PCNT: variants seen among roughly 807,000 people sequenced by gnomAD.
The protein encoded by PCNT is pericentrin.
PCNT carries 319 observed loss-of-function variants against 380.4 expected under a neutral mutation model. The ratio of observed to expected loss-of-function variants is 0.84; its 90% CI spans 0.77 to 0.92. The LOEUF is 0.92. Ranked by LOEUF, PCNT falls within the 40% of genes least tolerant of loss-of-function variation. PCNT has a pLI of 0.00. For missense variants in PCNT, 4,400 were observed against 4,255.3 expected (o/e 1.03, Z -0.95); for synonymous variants, 1,845 against 1,735.2 (o/e 1.06, Z -1.57).
chr21:46,361,382 C>T (rs563019944), intron 13 of PCNT, among the ~76,000 whole-genome samples: 6 of 152,318 alleles, frequency 3.9e-5, no homozygotes, highest in Non-Finnish European at 8.8e-5. Context: ...CAGAGCGAGA[C>T]TCCGTCTCAA....
Position 46,427,643 on chromosome 21 carries a change from G to T in PCNT, c.7342G>T (p.Asp2448Tyr). 4 of 1,613,956 alleles carry T rather than the reference G, an allele frequency of 2.5e-6. No individual in the cohort carries two copies. Among genetic ancestry groups the T allele is most frequent in the Non-Finnish European group, 3.4e-6 (4 of 1,180,024 alleles). Residue 2448 changes from aspartate to tyrosine, a missense_variant, in exon 34 of 47, where the codon GAT becomes TAT. By Grantham distance (160) the Asp-to-Tyr change is radical (BLOSUM62 -3). Coordinates refer to ENST00000359568, the MANE Select transcript of PCNT (RefSeq NM_006031.6). ...TTAGGAAGTGCCCACCGCGTGCCCC[G>T]ATTGGAGAGGGGACCTTCTGCAGGT... ...KTQEVPTACPDWRGDLLQVVQ... is the reference protein window; with the variant it reads ...KTQEVPTACPYWRGDLLQVVQ...
intron 15 of PCNT, among the ~76,000 whole-genome samples, chr21:46,376,770 TG>T (rs1275871146): frequency 6.6e-6 from 1 of 152,178 alleles, no homozygotes; most frequent in Non-Finnish European, 1.5e-5. Flanking sequence ...TGCTGATGGT[TG>T]GGGTATCAGC....
At chr21:46,368,183 C>T (rs113663543) in intron 15 of PCNT, among the ~76,000 whole-genome samples, 36 of 151,966 alleles carry the variant, frequency 2.4e-4, no homozygotes, top group African/African-American at 8.7e-4. Flanking sequence ...AAATAGCTCA[C>T]ACCTGTAATC....
At chr21:46,410,331 A>G (rs1476872562) in intron 27 of PCNT, among the ~76,000 whole-genome samples, 1 of 152,174 alleles carries the variant, frequency 6.6e-6, no homozygotes, top group Non-Finnish European at 1.5e-5. Context: ...TTGAGTCCAG[A>G]GTAATTGTGA....
At chr21:46,410,705 C>T (rs921605769) in intron 27 of PCNT, among the ~76,000 whole-genome samples, 2 of 152,180 alleles carry the variant, frequency 1.3e-5, no homozygotes, top group Admixed American at 6.5e-5. Flanking sequence ...GTGGCAGAGA[C>T]GCCTCATCAC....
intron 27 of PCNT, 64 bp downstream of exon 27, chr21:46,402,547 A>G (rs2086463419): frequency 3.9e-6 from 6 of 1,554,340 alleles, no homozygotes; most frequent in Non-Finnish European, 4.4e-6. Flanking sequence ...CCGAGCGGCC[A>G]CCAAGACCCT....
intron 24 of PCNT, among the ~76,000 whole-genome samples, 173 bp downstream of exon 24, chr21:46,398,428 T>A (rs977481217): frequency 6.6e-6 from 1 of 152,254 alleles, no homozygotes; most frequent in Non-Finnish European, 1.5e-5. Flanking sequence ...TTTAAAAAAT[T>A]AATGGTGGAT....
intron 3 of PCNT, among the ~76,000 whole-genome samples, chr21:46,342,782 G>A (rs1389091015): frequency 1.3e-5 from 2 of 151,982 alleles, no homozygotes; most frequent in African/African-American, 4.8e-5. Context: ...GCCTGCCTCG[G>A]CCTCCCAAAG....
chr21:46,405,514 A>G (rs371876812), intron 27 of PCNT, among the ~76,000 whole-genome samples: 1 of 152,238 alleles, frequency 6.6e-6, no homozygotes, highest in Admixed American at 6.5e-5. Context: ...CCTGGCCAAC[A>G]TGGTGAAACC....
intron 13 of PCNT, among the ~76,000 whole-genome samples, chr21:46,358,628 G>GTTT (rs35030158): frequency 6.3e-5 from 9 of 142,184 alleles, no homozygotes; most frequent in Non-Finnish European, 7.6e-5. Context: ...TTGTTGTTTT[G>GTTT]TTTTTTTTTT....
chr21:46,401,603 CGTTGCA>C lies in PCNT; in HGVS notation c.4847_4852del (p.Leu1616_Gln1617del). ...ATGAGTAGCTTGCTTCTGGCGTCCA[CGTTGCA>C]GTCTACACTAGATGCAGGCAGATGT... On this transcript the variant is annotated inframe_deletion, in exon 26 of 47. Transcript: ENST00000359568. 1 of 1,613,930 alleles carries C rather than the reference CGTTGCA, an allele frequency of 6.2e-7. No homozygotes were observed. Among genetic ancestry groups the C allele is most frequent in the Non-Finnish European group, 8.5e-7 (1 of 1,179,848 alleles).
At chr21:46,384,899 C>T (rs1354208383) in intron 16 of PCNT, among the ~76,000 whole-genome samples, 1 of 152,190 alleles carries the variant, frequency 6.6e-6, no homozygotes, top group African/African-American at 2.4e-5. Context: ...GGTGCAAGTG[C>T]ATTCATGGTG....
rs181165794 is a variant in PCNT, at chr21:46,347,457, C to T, written c.977C>T (p.Ala326Val). ...EVVLRCGQEA[A>V]ELKEKLQSEM... Reference sequence around the variant, plus strand: ...GAGCTGCTTTTTGTTTTTCTTGCAGCTGAGCTGAAGGAGAAGTTACAATCA... The same window carrying T: ...GAGCTGCTTTTTGTTTTTCTTGCAGTTGAGCTGAAGGAGAAGTTACAATCA... Residue 326 changes from alanine (A) to valine (V), a missense_variant and splice_region_variant, in exon 6 of 47, where the codon GCT becomes GTT. Ala to Val is a moderately conservative substitution (Grantham distance 64). Transcript: ENST00000359568. 7.5e-5 allele frequency: 121 copies of T among 1,613,976 alleles called. No individual in the cohort carries two copies. The East Asian group carries it at 2.5e-3, about 33-fold the overall frequency.
chr21:46,355,729 A>G, intron 12 of PCNT, 103 bp downstream of exon 12: 1 of 1,146,726 alleles, frequency 8.7e-7, no homozygotes, highest in Non-Finnish European at 1.3e-6. Flanking sequence ...TCCGTGAAGC[A>G]GCTGAGTGCT....
chr21:46,384,882 G>A (rs1437478782), intron 16 of PCNT, among the ~76,000 whole-genome samples: 7 of 152,226 alleles, frequency 4.6e-5, no homozygotes, highest in Non-Finnish European at 7.3e-5. Context: ...GTTGTGCATA[G>A]TTCAGTGGTG....
intron 16 of PCNT, 33 bp from the exon 17 acceptor site, chr21:46,385,799 T>G (rs772390112): frequency 1.2e-6 from 2 of 1,613,454 alleles, no homozygotes; most frequent in Middle Eastern, 1.7e-4. Flanking sequence ...ACCAAATTGT[T>G]TTAACGAAAG....
intron 3 of PCNT, among the ~76,000 whole-genome samples, chr21:46,339,625 G>T (rs976484317): frequency 6.6e-6 from 1 of 152,126 alleles, no homozygotes; most frequent in Non-Finnish European, 1.5e-5. Context: ...GTCCTTCCAC[G>T]CTCTTCTGCC....
intron 38 of PCNT, among the ~76,000 whole-genome samples, chr21:46,434,336 C>T (rs1009370333): frequency 6.6e-6 from 1 of 152,214 alleles, no homozygotes; most frequent in Non-Finnish European, 1.5e-5. Context: ...CCCTGGTCAC[C>T]GCAGTGGCAG....
chr21:46,355,351 G>T, intron 11 of PCNT, 101 bp from the exon 12 acceptor site: 1 of 1,268,344 alleles, frequency 7.9e-7, no homozygotes, highest in Non-Finnish European at 1.1e-6. Flanking sequence ...AGTGAGGTTT[G>T]AGTTTTCTTT....
Sources: gnomAD v4.1 joint callset for allele counts (sites outside exome capture counted in the v4.1 genomes callset) on GRCh38, gnomAD v4.1.1 for gene constraint, MANE v1.5 for transcripts, NCBI Gene and HGNC (gene_info 2026-07-23, HGNC 2026-07-21) for gene names.